The following PDE4D variants were observed in gnomAD, a reference collection of about 807,000 sequenced individuals.
The protein encoded by PDE4D is phosphodiesterase 4D.
In PDE4D, 24 loss-of-function variants were observed where a neutral mutation model predicts 87.4. That is an observed-to-expected ratio of 0.27 (90% confidence interval 0.20 to 0.39). The LOEUF is 0.39. Ranked by LOEUF, PDE4D falls within the 10% of genes least tolerant of loss-of-function variation. The pLI, the probability that PDE4D is intolerant of heterozygous loss-of-function variation, is 1.00. For synonymous variants in PDE4D, 384 were observed against 383.2 expected, an observed-to-expected ratio of 1.00 and a Z score of -0.02; for missense variants, 714 against 1,041.0, an observed-to-expected ratio of 0.69 and a Z score of 4.32.
intron 1 of PDE4D, among the ~76,000 whole-genome samples, chr5:60,193,392 C>T (rs1018889901): frequency 6.6e-6 from 1 of 151,928 alleles, no homozygotes; most frequent in Non-Finnish European, 1.5e-5. Flanking sequence ...TGTCACAGGC[C>T]GGGCGCAGTG....
At chr5:59,608,671 TAAGAGTAAGTAGC>T in intron 1 of PDE4D, among the ~76,000 whole-genome samples, 1 of 152,276 alleles carries the variant, frequency 6.6e-6, no homozygotes, top group Non-Finnish European at 1.5e-5. Context: ...AAGATTTACA[TAAGAGTAAGTAGC>T]CTTCTTGAAT....
At chr5:60,403,384 T>A (rs2042315) in intron 1 of PDE4D, among the ~76,000 whole-genome samples, 2 of 152,038 alleles carry the variant, frequency 1.3e-5, no homozygotes, top group African/African-American at 4.8e-5. Context: ...ACCTACACTC[T>A]CAGGAAATGT....
At chr5:59,510,223 T>C (rs1484761065) in intron 1 of PDE4D, among the ~76,000 whole-genome samples, 1 of 151,144 alleles carries the variant, frequency 6.6e-6, no homozygotes, top group Non-Finnish European at 1.5e-5. Context: ...ATCAAATATA[T>C]GGGATTGTCA....
In PDE4D at chr5:59,258,152, C is replaced by T. The variant is rs561436943; in HGVS notation, c.456-42184G>A. 1.2e-4 allele frequency among the ~76,000 whole-genome samples: 18 copies of T among 152,032 alleles called. 1 individual carries two copies. The highest frequency in any genetic ancestry group is 1.2e-3 in the Admixed American group (18 of 15,222). ...TGCTGGATATTCAAGACCTTTGTAC[C>T]TGCTATAATCCCCTTCTCCCCAATG... On this transcript the variant is annotated intron_variant, in intron 1 of 14. Transcript: ENST00000340635.
chr5:59,324,696 G>T (rs1417407618), intron 1 of PDE4D, among the ~76,000 whole-genome samples: 1 of 152,128 alleles, frequency 6.6e-6, no homozygotes, highest in East Asian at 1.9e-4. Flanking sequence ...AGAGAAAGAT[G>T]AAAAAGACTC....
chr5:59,268,932 G>A (rs988339341), intron 1 of PDE4D, among the ~76,000 whole-genome samples: 5 of 151,854 alleles, frequency 3.3e-5, no homozygotes, highest in African/African-American at 7.3e-5. Flanking sequence ...CTAACCATTC[G>A]TATACTCATG....
chr5:59,159,241 A>G (rs1581120353), intron 5 of PDE4D, among the ~76,000 whole-genome samples: 2 of 151,720 alleles, frequency 1.3e-5, no homozygotes, highest in Non-Finnish European at 1.5e-5. Context: ...CAACCCTCCT[A>G]TCTCAACTCC....
intron 1 of PDE4D, among the ~76,000 whole-genome samples, chr5:59,287,015 C>T (rs950085437): frequency 6.6e-5 from 10 of 152,122 alleles, no homozygotes; most frequent in Non-Finnish European, 1.3e-4. Flanking sequence ...GAACAACTCT[C>T]CACACAAAAA....
At position 59,900,239 on chromosome 5, in the gene PDE4D, CA is replaced by C. The variant is rs369200356; in HGVS notation, c.272+88248del. ...CAGGCAATAGAGCAAGACTCCATAT[CA>C]AAAAAAAATATATATATATATATAC... On this transcript the variant is annotated intron_variant, in intron 3 of 16. Coordinates refer to the PDE4D transcript ENST00000502484. Among the ~76,000 whole-genome samples the C allele has an allele frequency of 2.8e-3, 326 of 118,288 alleles. 3 individuals are homozygous for C. The highest frequency in any genetic ancestry group is 8.6e-3 in the Middle Eastern group (2 of 232). 77.6% of individuals were successfully genotyped at this position (118,288 alleles called of 152,430 possible).
chr5:60,154,569 C>T (rs1337340682), intron 2 of PDE4D, among the ~76,000 whole-genome samples: 1 of 152,078 alleles, frequency 6.6e-6, no homozygotes, highest in Non-Finnish European at 1.5e-5. Context: ...CCACTGCACC[C>T]GGCCCTATTA....
chr5:60,403,481 T>C (rs1448725765), intron 1 of PDE4D, among the ~76,000 whole-genome samples: 2 of 152,230 alleles, frequency 1.3e-5, no homozygotes, highest in African/African-American at 2.4e-5. Context: ...GTGTCCAATA[T>C]ATACAAGGTA....
intron 1 of PDE4D, among the ~76,000 whole-genome samples, chr5:60,336,921 C>G (rs1757799451): frequency 6.6e-6 from 1 of 152,074 alleles, no homozygotes; most frequent in South Asian, 2.1e-4. Context: ...TTCCTAATTT[C>G]AGCAACTCTA....
At chr5:60,148,913 G>A (rs2149437010) in intron 2 of PDE4D, among the ~76,000 whole-genome samples, 1 of 152,272 alleles carries the variant, frequency 6.6e-6, no homozygotes, top group South Asian at 2.1e-4. Context: ...GTCTTTGAAA[G>A]ATAAAGAATT....
intron 2 of PDE4D, among the ~76,000 whole-genome samples, chr5:60,166,090 A>C (rs1782872339): frequency 6.6e-6 from 1 of 152,040 alleles, no homozygotes; most frequent in Non-Finnish European, 1.5e-5. Context: ...AACACTTTAT[A>C]AAATTTATTT....
intron 1 of PDE4D, among the ~76,000 whole-genome samples, chr5:59,701,488 A>ATGAG (rs984907172): frequency 6.6e-6 from 1 of 152,232 alleles, no homozygotes. Context: ...AAATGAGTGA[A>ATGAG]TGAGTGAGTG....
intron 2 of PDE4D, among the ~76,000 whole-genome samples, chr5:60,079,816 T>C (rs1039609474): frequency 3.3e-5 from 5 of 152,250 alleles, no homozygotes; most frequent in Non-Finnish European, 5.9e-5. Context: ...GCCTGCTGCC[T>C]CCAGCTTTGC....
intron 1 of PDE4D, among the ~76,000 whole-genome samples, chr5:59,616,800 A>AT (rs958632510): frequency 1.1e-4 from 16 of 150,980 alleles, no homozygotes; most frequent in African/African-American, 3.6e-4. Flanking sequence ...TATTCTATGC[A>AT]TTTCAAGAGC....
chr5:60,520,034 C>T (rs1429117715), intron 1 of PDE4D, among the ~76,000 whole-genome samples: 1 of 152,078 alleles, frequency 6.6e-6, no homozygotes, highest in African/African-American at 2.4e-5. Context: ...AAAGTAATTC[C>T]CATGAGATTC....
At chr5:59,531,141 A>T (rs1439087273) in intron 1 of PDE4D, among the ~76,000 whole-genome samples, 1 of 152,226 alleles carries the variant, frequency 6.6e-6, no homozygotes, top group East Asian at 1.9e-4. Flanking sequence ...CATGGTTCCC[A>T]GGTGAAGCTT....
Sources: gnomAD v4.1 joint callset for allele counts (sites outside exome capture counted in the v4.1 genomes callset) on GRCh38, gnomAD v4.1.1 for gene constraint, MANE v1.5 for transcripts, NCBI Gene and HGNC (gene_info 2026-07-23, HGNC 2026-07-21) for gene names.